Variants in NDUFAF6 observed in about 807,000 individuals in gnomAD.
NDUFAF6 encodes NADH dehydrogenase (ubiquinone) complex I, assembly factor 6.
A neutral mutation model predicts 40.8 loss-of-function variants in NDUFAF6; 45 were observed. The observed-to-expected ratio is 1.10, with a 90% CI of 0.87 to 1.42. The LOEUF is 1.42. Ranked by LOEUF, NDUFAF6 falls within the 40% of genes most tolerant of loss-of-function variation. The pLI, the probability that NDUFAF6 is intolerant of heterozygous loss-of-function variation, is 0.00. For missense variants in NDUFAF6, 435 were observed against 418.5 expected, an observed-to-expected ratio of 1.04 and a Z score of -0.34; for synonymous variants, 185 against 155.9, an observed-to-expected ratio of 1.19 and a Z score of -1.39.
chr8:95,046,122 T>A (rs182221979), intron 5 of NDUFAF6, among the ~76,000 whole-genome samples: 1,947 of 151,992 alleles, frequency 0.013, 31 homozygotes, highest in African/African-American at 0.044. Flanking sequence ...GTGCAGTGGC[T>A]CAATCTCGGC....
At position 95,092,578 on chromosome 8, in the gene NDUFAF6, CT is replaced by C. The variant is rs528845192; in HGVS notation, n.214-8530del. Among the ~76,000 whole-genome samples, 127 of 77,808 alleles carry C rather than the reference CT, an allele frequency of 1.6e-3. 2 individuals are homozygous for C. Among genetic ancestry groups the C allele is most frequent in the Middle Eastern group, 0.011 (1 of 90 alleles). 51.0% of individuals were successfully genotyped at this position (77,808 alleles called of 152,430 possible). ...AAAGCTATTTAATATCTCACGAAGC[CT>C]TTTTTTTTTTTTTTTTTTTTTTTGA... On this transcript the variant is annotated intron_variant and non_coding_transcript_variant, in intron 2 of 5. Coordinates refer to the NDUFAF6 transcript ENST00000523184.
chr8:94,996,033 C>T (rs546918781), intron 2 of NDUFAF6, among the ~76,000 whole-genome samples: 3 of 152,280 alleles, frequency 2.0e-5, no homozygotes, highest in Admixed American at 6.5e-5. Flanking sequence ...CCACCTCGGC[C>T]TCCCAAAGTG....
chr8:94,914,496 A>T (rs984176511), intron 1 of NDUFAF6, among the ~76,000 whole-genome samples: 7 of 152,218 alleles, frequency 4.6e-5, no homozygotes, highest in African/African-American at 1.7e-4. Context: ...TGTGGCCAAC[A>T]ATAGTGGCAC....
chr8:95,078,681 A>ATG (rs1808716973), downstream of NDUFAF6: 1 of 148,512 alleles, frequency 6.7e-6, no homozygotes, highest in Non-Finnish European at 1.5e-5. Context: ...ATATATATAT[A>ATG]TCCCCTGTAC....
At chr8:95,105,098 G>A (rs914953989), downstream of NDUFAF6, among the ~76,000 whole-genome samples, 8 of 149,608 alleles carry the variant, frequency 5.3e-5, no homozygotes, top group African/African-American at 2.0e-4. Context: ...GAGAGAGAGA[G>A]AGAGAGAGAG....
At chr8:95,096,237 A>C (rs1809461013), upstream of NDUFAF6, among the ~76,000 whole-genome samples, 1 of 152,170 alleles carries the variant, frequency 6.6e-6, no homozygotes. Context: ...GTGAGAGAGC[A>C]CTGGCTGAGC....
chr8:94,905,416 C>T (rs1387008700), intron 1 of NDUFAF6, among the ~76,000 whole-genome samples: 1 of 151,838 alleles, frequency 6.6e-6, no homozygotes, highest in African/African-American at 2.4e-5. Context: ...GGCAGCTTTC[C>T]TTGATTCTCA....
At chr8:95,026,750 GATTTACAAAT>G (rs1414364489) in intron 1 of NDUFAF6, among the ~76,000 whole-genome samples, 2 of 152,142 alleles carry the variant, frequency 1.3e-5, no homozygotes, top group Non-Finnish European at 2.9e-5. Flanking sequence ...ATAGTCTGTG[GATTTACAAAT>G]ATTTAAGGCT....
intron 4 of NDUFAF6, among the ~76,000 whole-genome samples, chr8:95,112,488 T>C (rs1810024358): frequency 6.6e-6 from 1 of 152,180 alleles, no homozygotes. Context: ...AAGGATTCTC[T>C]CCTGGAGACT....
At chr8:95,033,217 AT>A (rs33963085) in intron 2 of NDUFAF6, among the ~76,000 whole-genome samples, 5 of 149,412 alleles carry the variant, frequency 3.3e-5, no homozygotes, top group East Asian at 2.0e-4. Context: ...ATTAAAAACA[AT>A]TTTTTTTTTA....
At chr8:95,004,141 T>C (rs1410768481) in intron 2 of NDUFAF6, among the ~76,000 whole-genome samples, 2 of 152,064 alleles carry the variant, frequency 1.3e-5, no homozygotes, top group Non-Finnish European at 2.9e-5. Flanking sequence ...GGGGGACTTC[T>C]GATTGAGTTT....
At chr8:94,990,797 G>A (rs1665090671) in intron 2 of NDUFAF6, among the ~76,000 whole-genome samples, 1 of 152,198 alleles carries the variant, frequency 6.6e-6, no homozygotes, top group South Asian at 2.1e-4. Context: ...TTAAAGAAAA[G>A]CTCTAGGACA....
intron 2 of NDUFAF6, among the ~76,000 whole-genome samples, chr8:95,094,716 C>CT (rs1188332288): frequency 5.5e-4 from 81 of 146,604 alleles, no homozygotes; most frequent in African/African-American, 2.0e-3. Context: ...CGTCTGGCCT[C>CT]TTTCTTTCTT....
intron 4 of NDUFAF6, among the ~76,000 whole-genome samples, chr8:95,111,660 GGGC>G (rs1480102514): frequency 3.0e-3 from 458 of 152,178 alleles, no homozygotes; most frequent in Non-Finnish European, 4.7e-3. Flanking sequence ...TGCTCATCGT[GGGC>G]ACCAGTATCT....
Position 95,015,504 on chromosome 8 carries a change from G to A in NDUFAF6, c.-83-16491G>A, listed in dbSNP as rs994498714. Among the ~76,000 whole-genome samples the A allele has an allele frequency of 2.6e-5, 4 of 152,022 alleles. No individual in the cohort carries two copies. The East Asian group carries it at 7.7e-4, about 29-fold the overall frequency. On this transcript the variant is annotated intron_variant, in intron 2 of 9. Coordinates refer to the NDUFAF6 transcript ENST00000396111. ...AACAATACCTAATAGTCCTAACTGCGGTACACTTTTAAACTTAGGACAAGC... is the reference window on the plus strand; with the variant it reads ...AACAATACCTAATAGTCCTAACTGCAGTACACTTTTAAACTTAGGACAAGC...
intron 1 of NDUFAF6, among the ~76,000 whole-genome samples, chr8:95,026,883 A>G (rs1828212529): frequency 6.6e-6 from 1 of 152,074 alleles, no homozygotes; most frequent in South Asian, 2.1e-4. Flanking sequence ...TGCTGTTGCT[A>G]CAAAAAATAA....
intron 1 of NDUFAF6, chr8:94,940,773 T>A: frequency 7.5e-7 from 1 of 1,330,722 alleles, no homozygotes; most frequent in Non-Finnish European, 1.1e-6. Flanking sequence ...AAAACTGAGA[T>A]GCAAGTTTCC....
chr8:94,942,700 A>C (rs1412559340), intron 1 of NDUFAF6, among the ~76,000 whole-genome samples: 1 of 152,184 alleles, frequency 6.6e-6, no homozygotes, highest in East Asian at 1.9e-4. Context: ...AATGCCATGG[A>C]AGAAGTATTT....
intron 2 of NDUFAF6, among the ~76,000 whole-genome samples, chr8:94,981,842 C>T (rs974791483): frequency 1.1e-4 from 17 of 151,416 alleles, no homozygotes; most frequent in South Asian, 8.3e-4. Flanking sequence ...CAATGATGGG[C>T]GCTTGAGCCC....
Sources: allele counts gnomAD v4.1 joint callset (sites outside exome capture counted in the v4.1 genomes callset), GRCh38; gene constraint gnomAD v4.1.1; transcripts MANE v1.5; gene names NCBI Gene and HGNC (gene_info 2026-07-23, HGNC 2026-07-21).